Variants in MMP26 observed in about 807,000 individuals in gnomAD.
MMP26 encodes the protein matrix metalloproteinase-26.
MMP26 carries 33 observed loss-of-function variants against 31.0 expected under a neutral mutation model. The observed-to-expected ratio is 1.06, with a 90% CI of 0.81 to 1.42. The LOEUF is 1.42. MMP26 is among the 40% of genes most tolerant of loss of function. The pLI, the probability that MMP26 is intolerant of heterozygous loss-of-function variation, is 0.00. For synonymous variants in MMP26, 122 were observed against 114.9 expected, an observed-to-expected ratio of 1.06 and a Z score of -0.40; for missense variants, 347 against 316.1, an observed-to-expected ratio of 1.10 and a Z score of -0.74.
Position 4,953,362 on chromosome 11 carries a change from T to C in MMP26, c.-144-34706T>C, listed in dbSNP as rs1341205322. 4.8e-5 allele frequency among the ~76,000 whole-genome samples: 6 copies of C among 125,090 alleles called. 3 individuals carry two copies. The highest frequency in any genetic ancestry group is 1.1e-4 in the Non-Finnish European group (6 of 55,378). The allele number at this position is 125,090 out of a possible 152,430, so 82.1% of individuals were successfully genotyped here. ...GGTAGGAAAAATTAAAGAAAATAGA[T>C]AGGTTTCTTCAATCGCTCATAATAC... is the stretch of plus-strand genomic sequence containing the variant. On this transcript the variant is annotated intron_variant, in intron 2 of 7. Coordinates refer to ENST00000380390, the MANE Select transcript of MMP26 (RefSeq NM_021801.5).
chr11:4,818,488 GAAA>G (rs1196792234), intron 2 of MMP26, among the ~76,000 whole-genome samples: 2 of 151,062 alleles, frequency 1.3e-5, no homozygotes, highest in Non-Finnish European at 3.0e-5. Context: ...GACTGTCTTT[GAAA>G]AAAAGATTCA....
At chr11:4,802,396 G>T (rs545607434) in intron 2 of MMP26, among the ~76,000 whole-genome samples, 1 of 152,068 alleles carries the variant, frequency 6.6e-6, no homozygotes, top group Non-Finnish European at 1.5e-5. Context: ...GTGACTGGAG[G>T]ACAATTTGCT....
At chr11:4,833,070 T>A (rs1474189576) in intron 2 of MMP26, 16 of 152,234 alleles carry the variant, frequency 1.1e-4, no homozygotes, top group Non-Finnish European at 2.2e-4. Flanking sequence ...GAAGCCTAAA[T>A]GATGGGGCAA....
chr11:4,767,244 A>G (rs1589894227), intron 1 of MMP26, 26 bp from the exon 2 acceptor site: 1 of 152,340 alleles, frequency 6.6e-6, no homozygotes, highest in Middle Eastern at 3.4e-3. Context: ...AAATTGTCAT[A>G]TAATATTTCT....
intron 1 of MMP26, among the ~76,000 whole-genome samples, chr11:4,721,454 C>A (rs556601816): frequency 7.2e-5 from 11 of 152,328 alleles, no homozygotes; most frequent in African/African-American, 2.6e-4. Context: ...CTCTCCTCCA[C>A]CACTTCAGGT....
At chr11:4,989,962 C>T (rs916161338) in intron 4 of MMP26, 94 bp downstream of exon 4, 8 of 1,024,342 alleles carry the variant, frequency 7.8e-6, no homozygotes, top group Non-Finnish European at 1.1e-5. Flanking sequence ...CTACTCTCTT[C>T]TGCTTTCATT....
chr11:4,811,678 G>T (rs991784276), intron 2 of MMP26, among the ~76,000 whole-genome samples: 1 of 151,812 alleles, frequency 6.6e-6, no homozygotes, highest in African/African-American at 2.4e-5. Context: ...CTTTTTTAGG[G>T]GCACTTTTCT....
intron 1 of MMP26, among the ~76,000 whole-genome samples, chr11:4,763,912 C>T (rs1459853857): frequency 6.6e-6 from 1 of 151,824 alleles, no homozygotes; most frequent in Non-Finnish European, 1.5e-5. Flanking sequence ...AATTTGATTC[C>T]TAAAATAAAA....
At chr11:4,743,520 C>G (rs1589888740) in intron 1 of MMP26, among the ~76,000 whole-genome samples, 1 of 152,134 alleles carries the variant, frequency 6.6e-6, no homozygotes, top group East Asian at 1.9e-4. Flanking sequence ...CCATCTTTTC[C>G]TTATCAGCCT....
At chr11:4,924,200 A>T (rs1317166020) in intron 2 of MMP26, 2 of 1,614,084 alleles carry the variant, frequency 1.2e-6, no homozygotes, top group East Asian at 4.5e-5. Context: ...GACGTGGAGA[A>T]TGGTGAGGTT....
chr11:4,819,128 A>T (rs1272774365), intron 2 of MMP26, among the ~76,000 whole-genome samples: 1 of 152,196 alleles, frequency 6.6e-6, no homozygotes, highest in Non-Finnish European at 1.5e-5. Context: ...AAGAGAAAAT[A>T]ATCAATTTGG....
intron 1 of MMP26, among the ~76,000 whole-genome samples, chr11:4,761,960 T>C (rs540996201): frequency 1.1e-4 from 16 of 152,140 alleles, no homozygotes; most frequent in African/African-American, 3.9e-4. Flanking sequence ...TTTTAGCAGG[T>C]TGGGAACTCA....
At chr11:4,923,872 G>T in intron 2 of MMP26, 1 of 1,614,020 alleles carries the variant, frequency 6.2e-7, no homozygotes, top group Non-Finnish European at 8.5e-7. Context: ...GGAGGATGAG[G>T]AGAGCACTTC....
At chr11:4,815,768 T>C (rs538334808) in intron 2 of MMP26, among the ~76,000 whole-genome samples, 38 of 152,210 alleles carry the variant, frequency 2.5e-4, no homozygotes, top group African/African-American at 8.9e-4. Flanking sequence ...AATACAACAA[T>C]CCGACATGCC....
chr11:4,871,392 C>T (rs1850308226), intron 2 of MMP26, among the ~76,000 whole-genome samples: 2 of 151,988 alleles, frequency 1.3e-5, no homozygotes, highest in South Asian at 2.1e-4. Flanking sequence ...TCTTTTTAGA[C>T]AGAGAATTAT....
chr11:4,986,685 C>T (rs1846894741), intron 2 of MMP26, among the ~76,000 whole-genome samples: 1 of 151,292 alleles, frequency 6.6e-6, no homozygotes, highest in Admixed American at 6.6e-5. Context: ...GGCCTGTCAC[C>T]ATGCTGGGCT....
intron 2 of MMP26, chr11:4,804,303 G>C: frequency 1.2e-6 from 2 of 1,614,106 alleles, no homozygotes; most frequent in Non-Finnish European, 1.7e-6. Flanking sequence ...TCCACAACTG[G>C]AAACTCTCCA....
chr11:4,965,475 C>T lies in MMP26; in HGVS notation c.-144-22593C>T, dbSNP rs542777639. ...AAAATTTTTAAGAAGGTTAAGGAGG[C>T]TTAGATGATAAATTAACTTTTTCCT... On this transcript the variant is annotated intron_variant, in intron 2 of 7. Coordinates refer to ENST00000380390, the MANE Select transcript of MMP26 (RefSeq NM_021801.5). 2.0e-4 allele frequency among the ~76,000 whole-genome samples: 31 copies of T among 152,190 alleles called. No homozygotes were observed. In the East Asian group the frequency reaches 5.8e-3, roughly 28 times the overall value.
intron 1 of MMP26, among the ~76,000 whole-genome samples, chr11:4,742,709 T>C (rs1027923195): frequency 2.0e-5 from 3 of 152,166 alleles, no homozygotes; most frequent in Admixed American, 6.5e-5. Flanking sequence ...ACAAAAACTT[T>C]GGAACCAAAG....
Sources: allele counts gnomAD v4.1 joint callset (sites outside exome capture counted in the v4.1 genomes callset), GRCh38; gene constraint gnomAD v4.1.1; transcripts MANE v1.5; gene names NCBI Gene and HGNC (gene_info 2026-07-23, HGNC 2026-07-21).